Variants in WWC1 observed in about 807,000 individuals in gnomAD.
WWC1 encodes WW and C2 domain containing 1, also known as protein KIBRA.
In WWC1, 55 loss-of-function variants were observed where a neutral mutation model predicts 138.4. The observed-to-expected ratio is 0.40, with a 90% CI of 0.32 to 0.50. WWC1 has a LOEUF of 0.50. Among genes scored for constraint, WWC1 ranks in the 20% least tolerant of loss-of-function variants. The pLI is 0.72. For synonymous variants in WWC1, 524 were observed against 564.9 expected (o/e 0.93, Z 1.03); for missense variants, 1,226 against 1,420.4 (o/e 0.86, Z 2.20).
chr5:168,309,198 C>T (rs1770834073), intron 1 of WWC1, among the ~76,000 whole-genome samples: 1 of 147,206 alleles, frequency 6.8e-6, no homozygotes, highest in African/African-American at 2.7e-5. Context: ...TCCCTCTTTG[C>T]TCTTCCCTAG....
Position 168,431,248 on chromosome 5 carries a change from C to T in WWC1, c.2088-4C>T, listed in dbSNP as rs779716111. ...AGATTTCCTGCGGTTCTGTCTCCCT[C>T]TAGGAATATCCGCGTGGCTGTCCTT... On this transcript the variant is annotated splice_polypyrimidine_tract_variant and splice_region_variant and intron_variant, in intron 14 of 22. Coordinates refer to ENST00000265293, the MANE Select transcript of WWC1 (RefSeq NM_015238.3). 10 of 1,610,968 alleles carry T rather than the reference C, an allele frequency of 6.2e-6. No homozygotes were observed. The Admixed American group carries it at 1.7e-4, about 27-fold the overall frequency.
In WWC1 at chr5:168,464,794, C is replaced by A. The variant is rs145268333; in HGVS notation, c.2982C>A (p.Asp994Glu). Residue 994 changes from aspartate to glutamate, a missense_variant, in exon 21 of 23, where the codon GAC becomes GAA. Asp to Glu is a conservative substitution (Grantham distance 45). Coordinates refer to ENST00000265293, the MANE Select transcript of WWC1 (RefSeq NM_015238.3). ...GTACCTCGCTGGACCTGGAGTTAGACCTGCAGGCGACAAGAACCTGGCACA... is the reference window on the plus strand; with the variant it reads ...GTACCTCGCTGGACCTGGAGTTAGAACTGCAGGCGACAAGAACCTGGCACA... ...LIRTSLDLEL[D>E]LQATRTWHSQ... 100 of 1,614,206 alleles carry A rather than the reference C, an allele frequency of 6.2e-5. No individual in the cohort carries two copies. The African/African-American group carries it at 1.1e-3, about 17-fold the overall frequency.
chr5:168,350,261 A>T (rs1473764806), intron 1 of WWC1, among the ~76,000 whole-genome samples: 1 of 152,182 alleles, frequency 6.6e-6, no homozygotes, highest in Non-Finnish European at 1.5e-5. Context: ...TCTCTTATTC[A>T]TGGCTCAGAT....
At chr5:168,305,661 C>G (rs1770492222) in intron 1 of WWC1, among the ~76,000 whole-genome samples, 1 of 152,166 alleles carries the variant, frequency 6.6e-6, no homozygotes, top group Non-Finnish European at 1.5e-5. Flanking sequence ...AATAAGGAGT[C>G]TTGATCTCCT....
Position 168,408,651 on chromosome 5 carries a change from A to C in WWC1, c.865A>C (p.Ser289Arg), listed in dbSNP as rs769599638. ...GAGCTCCCAGACAGACATCTCGGGA[A>C]GCGTGAGTAGACGGGGCAGGTTGCT... is the stretch of plus-strand genomic sequence containing the variant. ...DVSSQTDISG[S>R]FGINSNNQLA... The change falls in exon 7 of 23, where the codon AGC (serine) becomes CGC (arginine). Residue 289 changes from serine to arginine, a missense_variant and splice_region_variant. By Grantham distance (110) the Ser-to-Arg change is moderately radical. Coordinates refer to ENST00000265293, the MANE Select transcript of WWC1 (RefSeq NM_015238.3). 1.2e-6 allele frequency: 2 copies of C among 1,613,946 alleles called. No individual in the cohort carries two copies. Among genetic ancestry groups the C allele is most frequent in the Non-Finnish European group, 1.7e-6 (2 of 1,179,950 alleles).
At chr5:168,410,253 C>G in intron 8 of WWC1, 1 of 424,290 alleles carries the variant, frequency 2.4e-6, no homozygotes, top group Non-Finnish European at 4.3e-6. Context: ...GCCGAGTTAT[C>G]TTCCCACTTG....
intron 1 of WWC1, among the ~76,000 whole-genome samples, chr5:168,360,769 C>T (rs1483251754): frequency 6.6e-6 from 1 of 152,250 alleles, no homozygotes; most frequent in Non-Finnish European, 1.5e-5. Context: ...GACAGGATCT[C>T]AGAAAAGTCT....
chr5:168,325,031 G>A (rs1035274201), intron 1 of WWC1, among the ~76,000 whole-genome samples: 4 of 152,210 alleles, frequency 2.6e-5, no homozygotes, highest in African/African-American at 9.7e-5. Context: ...CTTTGCAGGG[G>A]AGAGGACAGA....
chr5:168,452,963 G>A (rs1358690203), intron 17 of WWC1, among the ~76,000 whole-genome samples: 3 of 152,192 alleles, frequency 2.0e-5, no homozygotes, highest in African/African-American at 7.2e-5. Context: ...GGTGGCTCAC[G>A]CCTATAATCC....
At chr5:168,412,739 A>G (rs1780324959) in intron 8 of WWC1, among the ~76,000 whole-genome samples, 1 of 151,460 alleles carries the variant, frequency 6.6e-6, no homozygotes. Flanking sequence ...AAATTAAAAA[A>G]CAATACAAAT....
At chr5:168,335,156 C>T (rs1441412321) in intron 1 of WWC1, among the ~76,000 whole-genome samples, 1 of 152,218 alleles carries the variant, frequency 6.6e-6, no homozygotes, top group African/African-American at 2.4e-5. Context: ...TCTAAGTCCA[C>T]TCATCACCCA....
chr5:168,376,856 A>G (rs573727646), intron 2 of WWC1, among the ~76,000 whole-genome samples: 10 of 152,238 alleles, frequency 6.6e-5, no homozygotes, highest in Non-Finnish European at 1.2e-4. Flanking sequence ...GCCATACTGC[A>G]TAAAGCAATC....
Position 168,430,222 on chromosome 5 carries a change from G to T in WWC1, c.2086G>T (p.Val696Leu). 2.5e-6 allele frequency: 4 copies of T among 1,612,958 alleles called. No individual in the cohort carries two copies. Among genetic ancestry groups the T allele is most frequent in the Non-Finnish European group, 3.4e-6 (4 of 1,179,390 alleles). ...SALLQQQDQK[V>L]NIRVAVLPCS... is the part of the protein sequence containing the mutation. ...TCTGTTGCAGCAACAAGACCAGAAA[G>T]TGTGAGTATGTAGCTGGACAGGTGT... Residue 696 changes from valine to leucine, a missense_variant and splice_region_variant, in exon 14 of 23, where the codon GTG becomes TTG. Coordinates refer to ENST00000265293, the MANE Select transcript of WWC1 (RefSeq NM_015238.3).
chr5:168,423,887 C>G lies in WWC1; in HGVS notation c.1629C>G (p.Pro543=), dbSNP rs143128879. The G allele has an allele frequency of 1.2e-5, 20 of 1,614,104 alleles. No homozygotes were observed. In the African/African-American group the frequency reaches 1.7e-4, roughly 14 times the overall value. ...CCCCACGTTCCTCTCTCTCCTCCCC[C>G]TCCCCACCCTGTTCCCCTCTCATGG... ...SLSPRSSLSS[P]SPPCSPLMAD... is the part of the protein sequence containing the mutation. Residue 543 remains proline, a synonymous_variant, in exon 11 of 23, where the codon CCC becomes CCG. Coordinates refer to ENST00000265293, the MANE Select transcript of WWC1 (RefSeq NM_015238.3).
intron 17 of WWC1, among the ~76,000 whole-genome samples, chr5:168,445,043 C>T (rs1395027942): frequency 4.6e-5 from 7 of 152,092 alleles, no homozygotes; most frequent in African/African-American, 1.7e-4. Flanking sequence ...GGGCCAGGCA[C>T]GGTGGCTCAT....
chr5:168,294,550 AG>A (rs1769355184), intron 1 of WWC1, among the ~76,000 whole-genome samples: 1 of 109,092 alleles, frequency 9.2e-6, no homozygotes, highest in African/African-American at 3.6e-5. Context: ...GCAGAAACAT[AG>A]TGGCACTTAG....
At chr5:168,404,784 T>A (rs1010258365) in intron 5 of WWC1, among the ~76,000 whole-genome samples, 1 of 152,084 alleles carries the variant, frequency 6.6e-6, no homozygotes, top group African/African-American at 2.4e-5. Context: ...TTAAAATGCA[T>A]CTCTGCCCCT....
At chr5:168,463,342 G>T (rs1468124232) in intron 20 of WWC1, among the ~76,000 whole-genome samples, 2 of 152,176 alleles carry the variant, frequency 1.3e-5, no homozygotes, top group Non-Finnish European at 2.9e-5. Context: ...TTATTACTTT[G>T]TATTATCTTG....
At chr5:168,323,824 C>T (rs1772319918) in intron 1 of WWC1, among the ~76,000 whole-genome samples, 1 of 152,102 alleles carries the variant, frequency 6.6e-6, no homozygotes, top group African/African-American at 2.4e-5. Flanking sequence ...CACCTAGACA[C>T]ATCATAGTCA....
Sources: gnomAD v4.1 joint callset for allele counts (sites outside exome capture counted in the v4.1 genomes callset) on GRCh38, gnomAD v4.1.1 for gene constraint, MANE v1.5 for transcripts, NCBI Gene and HGNC (gene_info 2026-07-23, HGNC 2026-07-21) for gene names.